Variants in ALDH1A2 observed in about 807,000 individuals in gnomAD.
ALDH1A2 encodes the protein retinal dehydrogenase 2.
In ALDH1A2, 27 loss-of-function variants were observed where a neutral mutation model predicts 60.3. That is an observed-to-expected ratio of 0.45 (90% confidence interval 0.33 to 0.62). The LOEUF (loss-of-function observed/expected upper bound fraction) is 0.62, where lower values mean the gene tolerates loss of function less well. Among genes scored for constraint, ALDH1A2 ranks in the 20% least tolerant of loss-of-function variants. The probability of loss-of-function intolerance (pLI) is 0.02; values close to 1 mark genes in which losing one functional copy is unlikely to be tolerated. For missense variants in ALDH1A2, 581 were observed against 643.8 expected (o/e 0.90, Z 1.06); for synonymous variants, 289 against 232.4 (o/e 1.24, Z -2.21).
intron 7 of ALDH1A2, among the ~76,000 whole-genome samples, chr15:57,992,477 C>T (rs16977884): frequency 0.015 from 2,336 of 152,310 alleles, 60 homozygotes; most frequent in African/African-American, 0.054. Flanking sequence ...ATAGTTCTTA[C>T]ACAGATGGTA....
At chr15:58,053,647 CTTCTT>C (rs1303079683) in intron 1 of ALDH1A2, among the ~76,000 whole-genome samples, 2 of 152,122 alleles carry the variant, frequency 1.3e-5, no homozygotes, top group African/African-American at 4.8e-5. Flanking sequence ...GTTTTGTGTA[CTTCTT>C]TTCTACGCCC....
chr15:57,962,885 T>G (rs775108016), intron 9 of ALDH1A2, among the ~76,000 whole-genome samples: 41 of 152,192 alleles, frequency 2.7e-4, no homozygotes, highest in Non-Finnish European at 5.4e-4. Context: ...TGGTCCAGGT[T>G]CCTTCTGAAA....
intron 1 of ALDH1A2, chr15:58,058,200 C>G (rs1363228367): frequency 1.3e-6 from 1 of 768,948 alleles, no homozygotes; most frequent in African/African-American, 1.7e-5. Flanking sequence ...CCTCCTCCTT[C>G]CCACCTGAAA....
chr15:58,012,537 G>A (rs1350376532), intron 3 of ALDH1A2, among the ~76,000 whole-genome samples: 1 of 152,156 alleles, frequency 6.6e-6, no homozygotes, highest in Non-Finnish European at 1.5e-5. Context: ...CCTTTAATAT[G>A]CCCAGTGTCT....
At chr15:58,054,520 G>T (rs1292702056) in intron 1 of ALDH1A2, among the ~76,000 whole-genome samples, 1 of 152,060 alleles carries the variant, frequency 6.6e-6, no homozygotes, top group African/African-American at 2.4e-5. Context: ...GGATCTGATA[G>T]TAATTAAGCC....
At chr15:57,962,947 C>T (rs1336259299) in intron 9 of ALDH1A2, among the ~76,000 whole-genome samples, 1 of 152,130 alleles carries the variant, frequency 6.6e-6, no homozygotes, top group African/African-American at 2.4e-5. Flanking sequence ...TAGAAATATG[C>T]CTCGATGATT....
At chr15:58,040,675 A>G (rs1164424929) in intron 1 of ALDH1A2, among the ~76,000 whole-genome samples, 1 of 151,958 alleles carries the variant, frequency 6.6e-6, no homozygotes, top group African/African-American at 2.4e-5. Flanking sequence ...ACTTTAAATT[A>G]AAGATCTATA....
chr15:57,977,689 C>G (rs1296163795), intron 7 of ALDH1A2, among the ~76,000 whole-genome samples: 1 of 152,178 alleles, frequency 6.6e-6, no homozygotes, highest in Non-Finnish European at 1.5e-5. Context: ...ACTGTCTTGG[C>G]TATACAGGGT....
intron 7 of ALDH1A2, among the ~76,000 whole-genome samples, chr15:57,989,409 C>CATAAGGTA (rs1222356386): frequency 6.6e-6 from 1 of 152,022 alleles, no homozygotes; most frequent in Non-Finnish European, 1.5e-5. Flanking sequence ...TTTAGAGTAA[C>CATAAGGTA]ATAAGGTACT....
chr15:58,039,558 A>G (rs910959578), intron 1 of ALDH1A2, among the ~76,000 whole-genome samples: 5 of 151,840 alleles, frequency 3.3e-5, no homozygotes, highest in East Asian at 1.9e-4. Context: ...GAGTTTTACA[A>G]TGTAATTCAG....
intron 9 of ALDH1A2, among the ~76,000 whole-genome samples, chr15:57,963,481 A>T (rs941268757): frequency 7.3e-5 from 11 of 151,582 alleles, no homozygotes; most frequent in Non-Finnish European, 1.6e-4. Flanking sequence ...CTGGGATTAC[A>T]GGTACCCGCC....
rs34111921 is a variant in ALDH1A2 at position 57,983,725 on chromosome 15, A to G, written c.798+8980T>C. On this transcript the variant is annotated intron_variant, in intron 7 of 12. Transcript: ENST00000249750. ...AGAATTCTCTTCTCTCCATGCTCCCATAACACACCACACTCTAATAGTTAC... is the reference window on the plus strand; with the variant it reads ...AGAATTCTCTTCTCTCCATGCTCCCGTAACACACCACACTCTAATAGTTAC... 1.6e-3 allele frequency among the ~76,000 whole-genome samples: 241 copies of G among 152,328 alleles called. 1 individual carries two copies. The highest frequency in any genetic ancestry group is 5.6e-3 in the African/African-American group (232 of 41,568).
chr15:58,029,025 G>A (rs954319598), intron 1 of ALDH1A2, among the ~76,000 whole-genome samples: 1 of 152,162 alleles, frequency 6.6e-6, no homozygotes, highest in Non-Finnish European at 1.5e-5. Flanking sequence ...TCCAGGACTT[G>A]AACTCAGCAC....
At chr15:57,981,096 T>C (rs1304465871) in intron 7 of ALDH1A2, among the ~76,000 whole-genome samples, 1 of 152,192 alleles carries the variant, frequency 6.6e-6, no homozygotes, top group Non-Finnish European at 1.5e-5. Context: ...GTCTATTTGA[T>C]TCTTTTCTCT....
chr15:58,041,192 T>A (rs924637002), intron 1 of ALDH1A2, among the ~76,000 whole-genome samples: 5 of 151,940 alleles, frequency 3.3e-5, no homozygotes, highest in African/African-American at 9.7e-5. Flanking sequence ...TCACCAAGTA[T>A]CTATGCCTGC....
intron 4 of ALDH1A2, among the ~76,000 whole-genome samples, chr15:58,003,070 C>A (rs1045334345): frequency 2.0e-4 from 31 of 152,036 alleles, no homozygotes; most frequent in Middle Eastern, 3.4e-3. Context: ...ATGAAGATAG[C>A]TTAGCTCTAC....
chr15:58,055,265 C>T (rs561432865), intron 1 of ALDH1A2, among the ~76,000 whole-genome samples: 5 of 152,122 alleles, frequency 3.3e-5, no homozygotes, highest in African/African-American at 4.8e-5. Context: ...ATATCCACAT[C>T]GTAGTGTTGC....
intron 1 of ALDH1A2, among the ~76,000 whole-genome samples, chr15:58,051,604 A>G (rs536786932): frequency 6.6e-6 from 1 of 152,122 alleles, no homozygotes; most frequent in Non-Finnish European, 1.5e-5. Flanking sequence ...CCATAACTAC[A>G]TGAGAGGCCT....
At position 58,065,633 on chromosome 15, in the gene ALDH1A2, T is replaced by C. The variant is rs780158113; in HGVS notation, c.18A>G (p.Ile6Met). 6.9e-6 allele frequency: 11 copies of C among 1,602,002 alleles called. No individual in the cohort carries two copies. The highest frequency in any genetic ancestry group is 9.4e-6 in the Non-Finnish European group (11 of 1,173,552). ...CGGCCTTCACCTCGCCGGGCATCTC[T>C]ATCTTGCTGGAAGTCATGGTGGCGG... MTSSK[I>M]EMPGEVKADP... The change falls in exon 1 of 13, where the codon ATA (isoleucine) becomes ATG (methionine). Residue 6 changes from isoleucine to methionine, a missense_variant. This residue lies in a region of ALDH1A2 where 206 missense variants were observed against 174.1 expected (regional missense o/e 1.18). Transcript: ENST00000249750.
Sources: gnomAD v4.1 joint callset for allele counts (sites outside exome capture counted in the v4.1 genomes callset) on GRCh38, gnomAD v4.1.1 for gene constraint, gnomAD v4.1.1 regional missense constraint, MANE v1.5 for transcripts, NCBI Gene and HGNC (gene_info 2026-07-23, HGNC 2026-07-21) for gene names.